ZFHX3: variants seen among roughly 807,000 people sequenced by gnomAD.
ZFHX3 encodes the protein zinc finger homeobox 3, also known as zinc finger homeobox protein 3.
Under a neutral mutation model 279.1 loss-of-function variants are expected in ZFHX3, and 42 were observed. That is an observed-to-expected ratio of 0.15 (90% CI 0.12 to 0.19). The LOEUF is 0.19. ZFHX3 is among the 10% of genes least tolerant of loss of function. ZFHX3 has a pLI of 1.00. For synonymous variants in ZFHX3, 2,293 were observed against 1,957.8 expected (o/e 1.17, Z -4.52); for missense variants, 4,981 against 4,754.0 (o/e 1.05, Z -1.40).
At chr16:72,851,405 C>A (rs2037614117) in intron 4 of ZFHX3, among the ~76,000 whole-genome samples, 2 of 152,212 alleles carry the variant, frequency 1.3e-5, no homozygotes, top group Non-Finnish European at 2.9e-5. Flanking sequence ...CACGGCGAGT[C>A]TTCCAGAGAG....
intron 3 of ZFHX3, among the ~76,000 whole-genome samples, chr16:73,448,701 T>A (rs888224651): frequency 1.9e-4 from 28 of 150,772 alleles, no homozygotes; most frequent in African/African-American, 6.8e-4. Context: ...TGTGTGTGTG[T>A]GTGTGTGTGT....
chr16:73,387,760 AT>A (rs2016930610), intron 3 of ZFHX3, among the ~76,000 whole-genome samples: 1 of 152,034 alleles, frequency 6.6e-6, no homozygotes, highest in Non-Finnish European at 1.5e-5. Context: ...AATATAATAT[AT>A]CTTTATACAC....
intron 1 of ZFHX3, among the ~76,000 whole-genome samples, chr16:73,851,545 G>T (rs1166951577): frequency 2.0e-5 from 3 of 152,048 alleles, no homozygotes; most frequent in Non-Finnish European, 4.4e-5. Context: ...ATTGCAGGTG[G>T]GACATTAAGT....
rs567686865 is a variant in ZFHX3 at position 73,753,228 on chromosome 16, G to T, written c.-1607-72988C>A. On this transcript the variant is annotated intron_variant, in intron 1 of 17. Coordinates refer to the ZFHX3 transcript ENST00000641206. The stretch of plus-strand genomic sequence containing the variant: ...GAAGGCTGGCAAGACTTGTGTTCCG[G>T]TCGTAACTCTGCTGACCAAAACAGG... 7.2e-5 allele frequency among the ~76,000 whole-genome samples: 11 copies of T among 152,216 alleles called. No homozygotes were observed. The South Asian group carries it at 2.1e-3, about 29-fold the overall frequency.
At chr16:73,206,100 T>C (rs1053590282) in intron 5 of ZFHX3, among the ~76,000 whole-genome samples, 2 of 152,224 alleles carry the variant, frequency 1.3e-5, no homozygotes, top group African/African-American at 4.8e-5. Flanking sequence ...AGAGATGCGA[T>C]TGACTACATT....
chr16:72,982,071 C>T (rs1437108083), intron 1 of ZFHX3, among the ~76,000 whole-genome samples: 2 of 151,900 alleles, frequency 1.3e-5, no homozygotes, highest in Non-Finnish European at 2.9e-5. Context: ...TTAGTAGAGA[C>T]AGGGTTTCAC....
chr16:73,581,476 A>C lies in ZFHX3; in HGVS notation c.-1547+98704T>G, dbSNP rs1597010538. Among the ~76,000 whole-genome samples, 9 of 151,828 alleles carry C rather than the reference A, an allele frequency of 5.9e-5. No individual in the cohort carries two copies. In the South Asian group the frequency reaches 1.9e-3, roughly 31 times the overall value. ...CATTTGCAGGAATAAAAATTGTTTT[A>C]CACAAATGGATGCTTGTTACTTTCA... On this transcript the variant is annotated intron_variant, in intron 2 of 17. Coordinates refer to the ZFHX3 transcript ENST00000641206.
At chr16:73,661,962 CT>C (rs140054120) in intron 2 of ZFHX3, among the ~76,000 whole-genome samples, 11 of 61,464 alleles carry the variant, frequency 1.8e-4, no homozygotes, top group African/African-American at 5.1e-4. Context: ...GTAGGTCATT[CT>C]TTTTTTTTTG....
intron 2 of ZFHX3, among the ~76,000 whole-genome samples, chr16:73,674,412 C>A (rs899461630): frequency 2.0e-5 from 3 of 152,108 alleles, no homozygotes; most frequent in Non-Finnish European, 4.4e-5. Context: ...GACTAAAAAT[C>A]AATTGGAAGA....
chr16:72,908,866 G>A (rs968298127), intron 3 of ZFHX3, among the ~76,000 whole-genome samples: 1 of 152,174 alleles, frequency 6.6e-6, no homozygotes, highest in Non-Finnish European at 1.5e-5. Flanking sequence ...TTAACATTTA[G>A]AATAATACCC....
At chr16:73,799,732 A>C (rs1177381027) in intron 1 of ZFHX3, among the ~76,000 whole-genome samples, 2 of 152,204 alleles carry the variant, frequency 1.3e-5, no homozygotes, top group East Asian at 3.9e-4. Flanking sequence ...TCAACCCCAA[A>C]GGCGATCTCC....
chr16:73,261,185 G>A (rs1203158401), intron 4 of ZFHX3, among the ~76,000 whole-genome samples: 3 of 152,114 alleles, frequency 2.0e-5, no homozygotes, highest in South Asian at 2.1e-4. Context: ...GGAATATTAT[G>A]TATCCATAAA....
chr16:73,682,926 GAAAGAAAGAA>G (rs1567550640), intron 1 of ZFHX3, among the ~76,000 whole-genome samples: 7 of 25,234 alleles, frequency 2.8e-4, no homozygotes, highest in South Asian at 1.8e-3. Flanking sequence ...GAGAGAAAGA[GAAAGAAAGAA>G]AGAAAGAAAG....
chr16:73,675,090 C>G lies in ZFHX3; in HGVS notation c.-1547+5090G>C, dbSNP rs181755353. ...TTTGGGTCTGAGCTCAGTTCCAGCC[C>G]CAACACCTCCTCCTTATACTTGAAA... On this transcript the variant is annotated intron_variant, in intron 2 of 17. Transcript: ENST00000641206. 1.5e-3 allele frequency among the ~76,000 whole-genome samples: 228 copies of G among 152,254 alleles called. 1 individual carries two copies. The highest frequency in any genetic ancestry group is 3.5e-3 in the Admixed American group (53 of 15,280).
intron 4 of ZFHX3, among the ~76,000 whole-genome samples, chr16:73,317,251 C>A (rs891709343): frequency 7.5e-6 from 1 of 133,566 alleles, no homozygotes; most frequent in Admixed American, 8.1e-5. Flanking sequence ...GTTCCAGGGC[C>A]GCTTTCCCTT....
chr16:72,791,516 G>A (rs1300954880), intron 9 of ZFHX3: 1 of 152,230 alleles, frequency 6.6e-6, no homozygotes, highest in African/African-American at 2.4e-5. Flanking sequence ...CCAGAGGCCT[G>A]GGTGGAAGCT....
intron 5 of ZFHX3, among the ~76,000 whole-genome samples, chr16:73,253,812 C>T (rs1452365632): frequency 6.6e-6 from 1 of 152,190 alleles, no homozygotes; most frequent in South Asian, 2.1e-4. Flanking sequence ...ACAGAAGACA[C>T]AGAGTGGATG....
At chr16:73,101,226 C>G (rs1436553516) in intron 7 of ZFHX3, among the ~76,000 whole-genome samples, 1 of 152,196 alleles carries the variant, frequency 6.6e-6, no homozygotes, top group Non-Finnish European at 1.5e-5. Flanking sequence ...CATAACCCAT[C>G]TTCTCAAAAT....
chr16:73,810,762 G>T (rs1960405328), intron 1 of ZFHX3, among the ~76,000 whole-genome samples: 1 of 152,114 alleles, frequency 6.6e-6, no homozygotes, highest in Admixed American at 6.5e-5. Context: ...TCTAGACTCT[G>T]TTACTAAATA....
Sources: allele counts gnomAD v4.1 joint callset (sites outside exome capture counted in the v4.1 genomes callset), GRCh38; gene constraint gnomAD v4.1.1; transcripts MANE v1.5; gene names NCBI Gene and HGNC (gene_info 2026-07-23, HGNC 2026-07-21).